The following ASAP1 variants were observed in gnomAD, a reference collection of about 807,000 sequenced individuals.
ASAP1 encodes the protein ArfGAP with SH3 domain, ankyrin repeat and PH domain 1, also known as arf-GAP with SH3 domain, ANK repeat and PH domain-containing protein 1.
A neutral mutation model predicts 145.2 loss-of-function variants in ASAP1; 43 were observed. The ratio of observed to expected loss-of-function variants is 0.30; its 90% CI spans 0.23 to 0.38. ASAP1 has a LOEUF of 0.38. Among genes scored for constraint, ASAP1 ranks in the 10% least tolerant of loss-of-function variants. The pLI is 1.00. For missense variants in ASAP1, 1,018 were observed against 1,355.3 expected (o/e 0.75, Z 3.91); for synonymous variants, 546 against 515.5 (o/e 1.06, Z -0.80).
chr8:130,316,133 TC>T (rs1823649247), intron 3 of ASAP1, among the ~76,000 whole-genome samples: 1 of 152,210 alleles, frequency 6.6e-6, no homozygotes, highest in Non-Finnish European at 1.5e-5. Context: ...TACTGTCTGT[TC>T]CCATCCACAA....
intron 27 of ASAP1, among the ~76,000 whole-genome samples, chr8:130,071,843 T>C (rs1218613366): frequency 6.6e-6 from 1 of 152,214 alleles, no homozygotes; most frequent in Non-Finnish European, 1.5e-5. Context: ...ATTGTGTATA[T>C]ATATGTTTTT....
At chr8:130,256,757 A>ATATATATATATATCCT (rs1554860212) in intron 3 of ASAP1, among the ~76,000 whole-genome samples, 14 of 93,642 alleles carry the variant, frequency 1.5e-4, no homozygotes, top group South Asian at 5.0e-4. Context: ...ATATATATAT[A>ATATATATATATATCCT]TATATATATA....
At chr8:130,435,202 A>C (rs1830272197) in intron 1 of ASAP1, among the ~76,000 whole-genome samples, 1 of 152,234 alleles carries the variant, frequency 6.6e-6, no homozygotes, top group Non-Finnish European at 1.5e-5. Context: ...ATAAATGGCT[A>C]CTATTTGAGG....
At chr8:130,121,982 C>T (rs2097566965) in intron 18 of ASAP1, among the ~76,000 whole-genome samples, 1 of 152,048 alleles carries the variant, frequency 6.6e-6, no homozygotes, top group Admixed American at 6.6e-5. Flanking sequence ...TTCTCTCCCG[C>T]CACATCTTCC....
intron 24 of ASAP1, among the ~76,000 whole-genome samples, chr8:130,102,472 T>C (rs768365960): frequency 6.6e-6 from 1 of 152,196 alleles, no homozygotes; most frequent in Non-Finnish European, 1.5e-5. Flanking sequence ...TTATTATCTT[T>C]TGATGTGTTG....
chr8:130,095,622 CT>C (rs141561036), intron 24 of ASAP1, among the ~76,000 whole-genome samples: 477 of 129,642 alleles, frequency 3.7e-3, no homozygotes, highest in Middle Eastern at 0.011. Flanking sequence ...ATTCTTTTGT[CT>C]TTTTTTTTTT....
intron 3 of ASAP1, among the ~76,000 whole-genome samples, chr8:130,276,232 G>T (rs990581336): frequency 5.3e-5 from 8 of 152,150 alleles, no homozygotes; most frequent in African/African-American, 1.9e-4. Flanking sequence ...AAAGAAGGCT[G>T]GGGGGCACTG....
chr8:130,128,981 G>A (rs1205034890), intron 15 of ASAP1, among the ~76,000 whole-genome samples: 4 of 152,158 alleles, frequency 2.6e-5, no homozygotes, highest in African/African-American at 4.8e-5. Flanking sequence ...TAATCCCCAC[G>A]TGTCTGGGGA....
At chr8:130,085,886 C>A (rs1294553702) in intron 25 of ASAP1, among the ~76,000 whole-genome samples, 1 of 152,188 alleles carries the variant, frequency 6.6e-6, no homozygotes, top group South Asian at 2.1e-4. Context: ...TGGCTGGATT[C>A]ATCACAGAAG....
At chr8:130,309,580 C>G (rs766755492) in intron 3 of ASAP1, among the ~76,000 whole-genome samples, 1 of 152,188 alleles carries the variant, frequency 6.6e-6, no homozygotes, top group Non-Finnish European at 1.5e-5. Context: ...GCCTTGTGGG[C>G]TGCACCACCA....
chr8:130,391,321 A>C (rs988051285), intron 2 of ASAP1, among the ~76,000 whole-genome samples: 1 of 152,214 alleles, frequency 6.6e-6, no homozygotes, highest in African/African-American at 2.4e-5. Flanking sequence ...ACAGAATTTC[A>C]ATTTTGCAAG....
chr8:130,298,147 T>C (rs892299336), intron 3 of ASAP1, among the ~76,000 whole-genome samples: 1 of 152,218 alleles, frequency 6.6e-6, no homozygotes, highest in African/African-American at 2.4e-5. Flanking sequence ...AAATAGCTAG[T>C]TGACAAGTAT....
At chr8:130,192,185 C>T (rs900789685) in intron 5 of ASAP1, among the ~76,000 whole-genome samples, 1 of 152,112 alleles carries the variant, frequency 6.6e-6, no homozygotes, top group African/African-American at 2.4e-5. Context: ...TTCTGTGAGG[C>T]TCTAAGACAC....
chr8:130,372,075 C>A (rs190483952), intron 2 of ASAP1, among the ~76,000 whole-genome samples: 95 of 152,256 alleles, frequency 6.2e-4, no homozygotes, highest in African/African-American at 2.2e-3. Context: ...ATGCAACAGG[C>A]CTATTTTGTG....
At chr8:130,424,353 T>A (rs922113872) in intron 1 of ASAP1, among the ~76,000 whole-genome samples, 2 of 152,124 alleles carry the variant, frequency 1.3e-5, no homozygotes, top group Non-Finnish European at 2.9e-5. Context: ...GCCCCCACTC[T>A]CCTGATGCAA....
chr8:130,134,404 A>C, intron 14 of ASAP1, 60 bp from the exon 15 acceptor site: 1 of 1,115,208 alleles, frequency 9.0e-7, no homozygotes, highest in Non-Finnish European at 1.3e-6. Flanking sequence ...TTTCAGGTAC[A>C]ACACAGATTT....
At chr8:130,353,909 C>CG (rs1826149293) in intron 3 of ASAP1, among the ~76,000 whole-genome samples, 1 of 151,088 alleles carries the variant, frequency 6.6e-6, no homozygotes, top group Non-Finnish European at 1.5e-5. Flanking sequence ...TTTTTTGAGA[C>CG]GGAGTCTTGC....
chr8:130,343,795 G>A (rs1292529977), intron 3 of ASAP1, among the ~76,000 whole-genome samples: 1 of 152,102 alleles, frequency 6.6e-6, no homozygotes, highest in Non-Finnish European at 1.5e-5. Flanking sequence ...AGGGAGGGAG[G>A]GAAACATTTA....
intron 3 of ASAP1, among the ~76,000 whole-genome samples, chr8:130,312,271 T>C (rs1348212233): frequency 6.7e-6 from 1 of 148,690 alleles, no homozygotes; most frequent in Non-Finnish European, 1.5e-5. Context: ...AGTAGGACCC[T>C]GTCTTTAAAA....
Sources: gnomAD v4.1 joint callset for allele counts (sites outside exome capture counted in the v4.1 genomes callset) on GRCh38, gnomAD v4.1.1 for gene constraint, MANE v1.5 for transcripts, NCBI Gene and HGNC (gene_info 2026-07-23, HGNC 2026-07-21) for gene names.